The following ATCAY variants were observed in gnomAD, a reference collection of about 807,000 sequenced individuals.
ATCAY encodes the protein caytaxin.
Under a neutral mutation model 47.7 loss-of-function variants are expected in ATCAY, and 22 were observed. The observed-to-expected ratio is 0.46, with a 90% CI of 0.33 to 0.66. The LOEUF (loss-of-function observed/expected upper bound fraction) is 0.66. ATCAY is among the 30% of genes least tolerant of loss of function. ATCAY has a pLI of 0.02. For missense variants in ATCAY, 452 were observed against 515.0 expected (o/e 0.88, Z 1.18); for synonymous variants, 216 against 207.6 (o/e 1.04, Z -0.35).
chr19:3,907,630 G>C lies in ATCAY; in HGVS notation c.359-104G>C. 1 of 1,391,510 alleles carries C rather than the reference G, an allele frequency of 7.2e-7. No homozygotes were observed. The highest frequency in any genetic ancestry group is 9.9e-7 in the Non-Finnish European group (1 of 1,010,412). 86.2% of individuals were successfully genotyped at this position (1,391,510 alleles called of 1,614,324 possible). A position where few individuals can be genotyped will look rare whatever the true frequency, so the allele number is the denominator to read the frequency against. Reference sequence around the variant, plus strand: ...GTGGGGAGAAGCGAAGGACTTGTGGGTCCCGGCAGCGAGGGAGGTGGGAGA... The same window carrying C: ...GTGGGGAGAAGCGAAGGACTTGTGGCTCCCGGCAGCGAGGGAGGTGGGAGA... On this transcript the variant is annotated intron_variant, in intron 4 of 12. Transcript: ENST00000450849. The surrounding 1 kb of genome is among the most constrained non-coding windows in gnomAD (Gnocchi z 5.1).
rs552616971 is a variant in ATCAY at position 3,912,726 on chromosome 19, AT to A, written c.867-1024del. Among the ~76,000 whole-genome samples the A allele has an allele frequency of 1.6e-4, 25 of 151,850 alleles. No homozygotes were observed. The South Asian group carries it at 3.1e-3, about 19-fold the overall frequency. ...AAGACCTCCATCTCTACAAAAAAAA[AT>A]TTTTTTTAATTAGCCAGGCCTGGTG... is the stretch of plus-strand genomic sequence containing the variant. On this transcript the variant is annotated intron_variant, in intron 8 of 12. Coordinates refer to ENST00000450849, the MANE Select transcript of ATCAY (RefSeq NM_033064.5).
intron 2 of ATCAY, among the ~76,000 whole-genome samples, chr19:3,897,114 CAAATGGA>C (rs1001373133): frequency 6.6e-6 from 1 of 151,910 alleles, no homozygotes; most frequent in Non-Finnish European, 1.5e-5. Flanking sequence ...TCTTCGACAG[CAAATGGA>C]AAATGTTTTT....
chr19:3,892,391 G>C (rs1280353431), intron 2 of ATCAY, among the ~76,000 whole-genome samples: 2 of 151,860 alleles, frequency 1.3e-5, no homozygotes, highest in East Asian at 3.9e-4. Flanking sequence ...TGTAGAGACA[G>C]GGTCTCACTG....
chr19:3,889,105 TA>T (rs2038690882), intron 2 of ATCAY, among the ~76,000 whole-genome samples: 1 of 151,778 alleles, frequency 6.6e-6, no homozygotes, highest in Non-Finnish European at 1.5e-5. Flanking sequence ...CCTCGTCTCT[TA>T]AAAAAACAAA....
intron 5 of ATCAY, 135 bp downstream of exon 5, chr19:3,908,054 A>G: frequency 7.9e-7 from 1 of 1,262,868 alleles, no homozygotes; most frequent in Non-Finnish European, 1.1e-6. Context: ...ACTGTGGGCA[A>G]GGCGTGCATG....
intron 12 of ATCAY, 181 bp downstream of exon 12, chr19:3,920,979 C>T (rs904277594): frequency 4.3e-5 from 31 of 720,252 alleles, no homozygotes; most frequent in Middle Eastern, 3.8e-4. Context: ...GATACGGCAC[C>T]GGGAAGGCAG....
intron 12 of ATCAY, among the ~76,000 whole-genome samples, chr19:3,921,774 G>A (rs2039021989): frequency 6.6e-6 from 1 of 152,056 alleles, no homozygotes; most frequent in Non-Finnish European, 1.5e-5. Flanking sequence ...GCACACACCT[G>A]TAGTCCCAGC....
rs145632805 is a variant in ATCAY, at chr19:3,922,405, G to C, written c.1106+1607G>C. On this transcript the variant is annotated intron_variant, in intron 12 of 12. Coordinates refer to ENST00000450849, the MANE Select transcript of ATCAY (RefSeq NM_033064.5). ...CAGGAGCGAGAAGTGCTGAGCAAAGGGGGGAAAGCCCCTTATAAAACCATC... is the reference window on the plus strand; with the variant it reads ...CAGGAGCGAGAAGTGCTGAGCAAAGCGGGGAAAGCCCCTTATAAAACCATC... Among the ~76,000 whole-genome samples the C allele has an allele frequency of 7.2e-5, 11 of 152,300 alleles. No individual in the cohort carries two copies. In the East Asian group the frequency reaches 1.7e-3, roughly 24 times the overall value.
chr19:3,881,325 C>G (rs940186418), intron 1 of ATCAY, among the ~76,000 whole-genome samples: 1 of 150,428 alleles, frequency 6.6e-6, no homozygotes, highest in Non-Finnish European at 1.5e-5. Flanking sequence ...ATAGACCCAT[C>G]CTAGCCCTAT....
At chr19:3,920,044 C>T (rs1164442266) in intron 11 of ATCAY, among the ~76,000 whole-genome samples, 1 of 152,176 alleles carries the variant, frequency 6.6e-6, no homozygotes, top group Non-Finnish European at 1.5e-5. Flanking sequence ...CCTCCACGAA[C>T]AGGTAGAAAA....
chr19:3,899,380 C>T (rs776279465), intron 2 of ATCAY, among the ~76,000 whole-genome samples: 1 of 138,472 alleles, frequency 7.2e-6, no homozygotes, highest in Non-Finnish European at 1.5e-5. Context: ...ATGGCACGAT[C>T]TCGGCTCACC....
At chr19:3,914,358 G>T (rs1229260952) in intron 9 of ATCAY, among the ~76,000 whole-genome samples, 1 of 151,926 alleles carries the variant, frequency 6.6e-6, no homozygotes, top group Non-Finnish European at 1.5e-5. Flanking sequence ...AATTTGTACA[G>T]GCAAATTCCC....
At chr19:3,908,493 G>A (rs764831049) in intron 6 of ATCAY, 123 bp downstream of exon 6, 95 of 908,554 alleles carry the variant, frequency 1.0e-4, no homozygotes, top group Middle Eastern at 2.4e-4. Flanking sequence ...AGGGAAGGGC[G>A]TGGTGGCCAC....
rs2038851407 is a variant in ATCAY, at chr19:3,905,454, T to C, written c.157T>C (p.Phe53Leu). The change falls in exon 4 of 13, where the codon TTC (phenylalanine) becomes CTC (leucine). Residue 53 changes from phenylalanine (F) to leucine (L), a missense_variant. Transcript: ENST00000450849. ...TGCAGCTCCTCCCAACACGCTAAATTTCAACGGAGCGCATCGTAAGAGGAA... is the reference window on the plus strand; with the variant it reads ...TGCAGCTCCTCCCAACACGCTAAATCTCAACGGAGCGCATCGTAAGAGGAA... ...DTSSPPNTLN[F>L]NGAHRKRKTL... 1 of 1,611,492 alleles carries C rather than the reference T, an allele frequency of 6.2e-7. No individual in the cohort carries two copies. The highest frequency in any genetic ancestry group is 1.7e-5 in the Admixed American group (1 of 59,488).
chr19:3,891,741 C>T (rs1725242537), intron 2 of ATCAY, among the ~76,000 whole-genome samples: 2 of 151,804 alleles, frequency 1.3e-5, no homozygotes, highest in African/African-American at 4.8e-5. Context: ...GAGGAGCTTA[C>T]CCAGGGCATC....
intron 2 of ATCAY, among the ~76,000 whole-genome samples, chr19:3,895,517 C>T (rs984000784): frequency 3.3e-5 from 5 of 150,684 alleles, no homozygotes; most frequent in African/African-American, 1.2e-4. Flanking sequence ...GCCTGGCCCC[C>T]ATTTTAGTCA....
chr19:3,908,119 C>G, intron 5 of ATCAY, 149 bp from the exon 6 acceptor site: 1 of 980,958 alleles, frequency 1.0e-6, no homozygotes, highest in Non-Finnish European at 1.5e-6. Context: ...TCAGCGAAGG[C>G]AGAGACTGGC....
At chr19:3,924,525 G>T in intron 12 of ATCAY, 58 bp from the exon 13 acceptor site, 4 of 1,605,724 alleles carry the variant, frequency 2.5e-6, no homozygotes, top group South Asian at 1.1e-5. Context: ...ATGTAGAAGC[G>T]CATTTTGCAC....
chr19:3,904,821 A>G (rs978764293), intron 3 of ATCAY, among the ~76,000 whole-genome samples: 1 of 151,872 alleles, frequency 6.6e-6, no homozygotes, highest in Non-Finnish European at 1.5e-5. Flanking sequence ...TGCTTTCACA[A>G]TTTGTCTGCA....
Sources: allele counts gnomAD v4.1 joint callset (sites outside exome capture counted in the v4.1 genomes callset), GRCh38; gene constraint gnomAD v4.1.1; non-coding constraint Gnocchi (gnomAD v3.1); transcripts MANE v1.5; gene names NCBI Gene and HGNC (gene_info 2026-07-23, HGNC 2026-07-21).